The following APBB1IP variants were observed in gnomAD, a reference collection of about 807,000 sequenced individuals.
APBB1IP encodes the protein amyloid beta precursor protein binding family B member 1 interacting protein.
Under a neutral mutation model 64.9 loss-of-function variants are expected in APBB1IP, and 27 were observed. The observed-to-expected ratio is 0.42, with a 90% CI of 0.31 to 0.57. The LOEUF (loss-of-function observed/expected upper bound fraction) is 0.57, where lower values mean the gene tolerates loss of function less well. Ranked by LOEUF, APBB1IP falls within the 20% of genes least tolerant of loss-of-function variation. APBB1IP has a pLI of 0.20. For missense variants in APBB1IP, 812 were observed against 845.5 expected (o/e 0.96, Z 0.49); for synonymous variants, 392 against 331.0 (o/e 1.18, Z -2.00).
intron 11 of APBB1IP, among the ~76,000 whole-genome samples, chr10:26,556,126 A>AAG (rs1836891840): frequency 6.6e-6 from 1 of 152,194 alleles, no homozygotes; most frequent in African/African-American, 2.4e-5. Context: ...CTCATGTCCC[A>AAG]AGAGAGCTTC....
Position 26,536,222 on chromosome 10 carries a change from G to GAA in APBB1IP, c.1044+20_1044+21dup, listed in dbSNP as rs71521689. ...GTACCCAAAGGAAAGACTAAGGTCA[G>GAA]AAAAAAAAAAAAAAAAGCACTTAGC... On this transcript the variant is annotated splice_donor_region_variant and intron_variant, in intron 10 of 14. Transcript: ENST00000376236. The GAA allele has an allele frequency of 1.0e-3, 1,347 of 1,350,276 alleles. No individual in the cohort carries two copies. The highest frequency in any genetic ancestry group is 3.8e-3 in the South Asian group (244 of 64,892). The allele number at this position is 1,350,276 out of a possible 1,614,324, so 83.6% of individuals were successfully genotyped here. A position where few individuals can be genotyped will look rare whatever the true frequency, so the allele number is the denominator to read the frequency against.
At chr10:26,490,812 T>C (rs1249322845) in intron 2 of APBB1IP, among the ~76,000 whole-genome samples, 1 of 152,236 alleles carries the variant, frequency 6.6e-6, no homozygotes, top group Non-Finnish European at 1.5e-5. Context: ...TCTGCTTTTT[T>C]ATATATTTTT....
chr10:26,535,110 T>C (rs1836604141), intron 9 of APBB1IP, among the ~76,000 whole-genome samples: 1 of 152,084 alleles, frequency 6.6e-6, no homozygotes, highest in Non-Finnish European at 1.5e-5. Flanking sequence ...GAATAATATA[T>C]AATTTTATTC....
intron 2 of APBB1IP, among the ~76,000 whole-genome samples, chr10:26,449,335 G>C (rs547715232): frequency 6.6e-6 from 1 of 152,230 alleles, no homozygotes; most frequent in South Asian, 2.1e-4. Flanking sequence ...GAAAGAGAGA[G>C]AGAATAAATG....
chr10:26,476,245 G>A (rs1219751240), intron 2 of APBB1IP, among the ~76,000 whole-genome samples: 2 of 151,602 alleles, frequency 1.3e-5, no homozygotes, highest in East Asian at 3.9e-4. Context: ...TTTTGGTAGA[G>A]ACAGCATTTC....
intron 11 of APBB1IP, among the ~76,000 whole-genome samples, chr10:26,542,631 T>G (rs1283747184): frequency 6.6e-6 from 1 of 152,168 alleles, no homozygotes; most frequent in African/African-American, 2.4e-5. Context: ...CCAGGTGAAT[T>G]CAATCATATT....
intron 2 of APBB1IP, among the ~76,000 whole-genome samples, chr10:26,455,994 A>T (rs1835520521): frequency 6.6e-6 from 1 of 152,240 alleles, no homozygotes; most frequent in African/African-American, 2.4e-5. Context: ...GAAGCCAGAC[A>T]CAAAAGACCA....
chr10:26,496,358 T>C lies in APBB1IP; in HGVS notation c.127T>C (p.Phe43Leu), dbSNP rs748677908. 103 of 1,612,784 alleles carry C rather than the reference T, an allele frequency of 6.4e-5. No homozygotes were observed. The highest frequency in any genetic ancestry group is 8.4e-5 in the Non-Finnish European group (99 of 1,179,182). ...PPDPNPPRAE[F>L]NYSVGFKDLN... ...TGACCCTAATCCACCCAGAGCTGAA[T>C]TTAACTACAGTGTGGGGTTTAAAGA... The change falls in exon 4 of 15, where the codon TTT (phenylalanine) becomes CTT (leucine). Residue 43 changes from phenylalanine to leucine, a missense_variant. Transcript: ENST00000376236.
intron 6 of APBB1IP, among the ~76,000 whole-genome samples, chr10:26,504,619 A>G (rs1836151485): frequency 6.6e-6 from 1 of 152,086 alleles, no homozygotes; most frequent in South Asian, 2.1e-4. Flanking sequence ...CTGAGGCAGG[A>G]TAATCATTTG....
chr10:26,555,537 C>G (rs1836884630), intron 11 of APBB1IP, among the ~76,000 whole-genome samples: 1 of 152,170 alleles, frequency 6.6e-6, no homozygotes, highest in African/African-American at 2.4e-5. Flanking sequence ...TACATCTCTC[C>G]CTAAAACACC....
intron 5 of APBB1IP, chr10:26,501,398 GT>G: frequency 3.7e-6 from 2 of 539,182 alleles, no homozygotes; most frequent in Non-Finnish European, 6.6e-6. Context: ...TGGGGGAAAT[GT>G]TTTATTAACA....
chr10:26,481,826 C>CGTGT (rs71521683), intron 2 of APBB1IP, among the ~76,000 whole-genome samples: 2,036 of 143,306 alleles, frequency 0.014, 20 homozygotes, highest in East Asian at 0.026. Flanking sequence ...CATCTCATTA[C>CGTGT]GTGTGTGTGT....
chr10:26,562,089 A>G (rs1323202153), intron 13 of APBB1IP: 2 of 411,748 alleles, frequency 4.9e-6, no homozygotes, highest in Non-Finnish European at 9.1e-6. Context: ...CTTTTTGCTG[A>G]ATCTCATATA....
rs1292682240 is a variant in APBB1IP at position 26,536,718 on chromosome 10, C to T, written c.1044+501C>T. 2.1e-4 allele frequency among the ~76,000 whole-genome samples: 26 copies of T among 122,766 alleles called. 1 individual carries two copies. The highest frequency in any genetic ancestry group is 3.5e-4 in the Admixed American group (4 of 11,284). 80.5% of individuals were successfully genotyped at this position (122,766 alleles called of 152,430 possible). The stretch of plus-strand genomic sequence containing the variant: ...GCCATCCTCCCACCTCAGCCCACCC[C>T]CCACCCCCCGCCAAGTAGCTGGGAC... On this transcript the variant is annotated intron_variant, in intron 10 of 14. Transcript: ENST00000376236.
At chr10:26,505,848 GTCC>G (rs1836168711) in intron 6 of APBB1IP, among the ~76,000 whole-genome samples, 1 of 152,018 alleles carries the variant, frequency 6.6e-6, no homozygotes, top group Non-Finnish European at 1.5e-5. Flanking sequence ...CTCTCTTTCT[GTCC>G]TCCTCTGCTC....
At chr10:26,453,467 C>G (rs1257310902) in intron 2 of APBB1IP, among the ~76,000 whole-genome samples, 11 of 152,128 alleles carry the variant, frequency 7.2e-5, no homozygotes, top group Admixed American at 7.2e-4. Context: ...GGCTTTCCTG[C>G]CAGGTCCCTG....
intron 2 of APBB1IP, among the ~76,000 whole-genome samples, chr10:26,439,744 G>T (rs1020856103): frequency 6.6e-6 from 1 of 152,186 alleles, no homozygotes; most frequent in Non-Finnish European, 1.5e-5. Context: ...AAAGAAAAGG[G>T]CCCGTGAGTT....
At chr10:26,557,723 A>G (rs1013721024) in intron 11 of APBB1IP, among the ~76,000 whole-genome samples, 4 of 152,226 alleles carry the variant, frequency 2.6e-5, no homozygotes, top group African/African-American at 9.6e-5. Flanking sequence ...TGGAGTCTAT[A>G]AAGGTCTTGT....
chr10:26,463,643 A>G (rs1046524864), intron 2 of APBB1IP, among the ~76,000 whole-genome samples: 1 of 152,058 alleles, frequency 6.6e-6, no homozygotes, highest in African/African-American at 2.4e-5. Flanking sequence ...TTTCCACGTT[A>G]TTTAAGGCAA....
Sources: gnomAD v4.1 joint callset for allele counts (sites outside exome capture counted in the v4.1 genomes callset) on GRCh38, gnomAD v4.1.1 for gene constraint, MANE v1.5 for transcripts, NCBI Gene and HGNC (gene_info 2026-07-23, HGNC 2026-07-21) for gene names.